Variants in CNTNAP2 observed in about 807,000 individuals in gnomAD.
CNTNAP2 encodes the protein contactin-associated protein-like 2.
Under a neutral mutation model 155.2 loss-of-function variants are expected in CNTNAP2, and 98 were observed. The observed-to-expected ratio is 0.63, with a 90% confidence interval of 0.54 to 0.75. The LOEUF is 0.75. Among genes scored for constraint, CNTNAP2 ranks in the 30% least tolerant of loss-of-function variants. The pLI is 0.00. For synonymous variants in CNTNAP2, 651 were observed against 631.2 expected (o/e 1.03, Z -0.47); for missense variants, 1,727 against 1,688.1 (o/e 1.02, Z -0.40).
intron 8 of CNTNAP2, among the ~76,000 whole-genome samples, chr7:147,189,303 C>A (rs916283559): frequency 1.3e-5 from 2 of 152,140 alleles, no homozygotes; most frequent in Non-Finnish European, 2.9e-5. Flanking sequence ...GTTTTGACTT[C>A]TTTCCACATG....
chr7:146,815,651 TA>T (rs1803151962), intron 2 of CNTNAP2, among the ~76,000 whole-genome samples: 1 of 152,228 alleles, frequency 6.6e-6, no homozygotes, highest in African/African-American at 2.4e-5. Flanking sequence ...GAGTACTTAG[TA>T]AATATTTCAT....
intron 9 of CNTNAP2, among the ~76,000 whole-genome samples, chr7:147,366,756 G>A (rs1331740935): frequency 3.4e-5 from 5 of 148,054 alleles, no homozygotes; most frequent in Non-Finnish European, 1.5e-5. Flanking sequence ...ATGTTTTTAA[G>A]TGATTTTTTA....
chr7:148,187,924 C>A (rs182351702), intron 18 of CNTNAP2, among the ~76,000 whole-genome samples: 23 of 152,118 alleles, frequency 1.5e-4, no homozygotes, highest in African/African-American at 5.5e-4. Flanking sequence ...AAAAAGCTGC[C>A]CTGCCCCAAC....
intron 3 of CNTNAP2, among the ~76,000 whole-genome samples, chr7:146,903,081 T>A (rs1371075041): frequency 2.6e-5 from 4 of 152,178 alleles, no homozygotes; most frequent in Non-Finnish European, 5.9e-5. Flanking sequence ...CAACTTCACG[T>A]TGGGGCAACA....
intron 1 of CNTNAP2, among the ~76,000 whole-genome samples, chr7:146,425,844 A>G (rs1193636776): frequency 3.9e-5 from 6 of 152,066 alleles, no homozygotes; most frequent in Admixed American, 3.9e-4. Context: ...GAAACTACAA[A>G]CAAACAATAA....
intron 18 of CNTNAP2, among the ~76,000 whole-genome samples, chr7:148,215,452 G>A (rs1795619730): frequency 6.6e-6 from 1 of 151,454 alleles, no homozygotes; most frequent in South Asian, 2.1e-4. Flanking sequence ...GAGTCTCTGT[G>A]ATAGTTCTTT....
At chr7:146,119,267 T>C (rs1797529416) in intron 1 of CNTNAP2, among the ~76,000 whole-genome samples, 1 of 152,094 alleles carries the variant, frequency 6.6e-6, no homozygotes, top group African/African-American at 2.4e-5. Flanking sequence ...GCTAAAACTT[T>C]CTGTTCCTAA....
At chr7:146,884,984 G>A (rs1482996976) in intron 3 of CNTNAP2, among the ~76,000 whole-genome samples, 1 of 152,050 alleles carries the variant, frequency 6.6e-6, no homozygotes, top group Non-Finnish European at 1.5e-5. Flanking sequence ...AAGTTCAAGA[G>A]TTTATAATCA....
intron 21 of CNTNAP2, among the ~76,000 whole-genome samples, chr7:148,288,123 A>G (rs1797120539): frequency 8.4e-6 from 1 of 119,314 alleles, no homozygotes; most frequent in Non-Finnish European, 1.7e-5. Context: ...TTTTTTAAAG[A>G]CAGTCTCACA....
intron 8 of CNTNAP2, 115 bp from the exon 9 acceptor site, chr7:147,300,026 G>A (rs1367211186): frequency 8.7e-7 from 1 of 1,150,222 alleles, no homozygotes; most frequent in African/African-American, 1.5e-5. Flanking sequence ...AAGCAGCACT[G>A]TATTTTCCAA....
At position 146,734,691 on chromosome 7, in the gene CNTNAP2, A is replaced by T. The variant is rs577538576; in HGVS notation, c.98-39580A>T. Among the ~76,000 whole-genome samples the T allele has an allele frequency of 2.6e-5, 4 of 152,340 alleles. No individual in the cohort carries two copies. In the East Asian group the frequency reaches 7.7e-4, roughly 29 times the overall value. Reference sequence around the variant, plus strand: ...AAGATATACTAATATTAGATTCTAAATATTTTTAAATATTTGTGATGTTAC... The same window carrying T: ...AAGATATACTAATATTAGATTCTAATTATTTTTAAATATTTGTGATGTTAC... On this transcript the variant is annotated intron_variant, in intron 1 of 23. Transcript: ENST00000361727.
chr7:147,210,109 C>T (rs940847110), intron 8 of CNTNAP2, among the ~76,000 whole-genome samples: 4 of 151,918 alleles, frequency 2.6e-5, no homozygotes, highest in Admixed American at 6.6e-5. Context: ...TAGCTTTGTA[C>T]AGTGAGTTAG....
At chr7:147,366,695 G>A (rs1796234718) in intron 9 of CNTNAP2, among the ~76,000 whole-genome samples, 1 of 151,488 alleles carries the variant, frequency 6.6e-6, no homozygotes, top group Non-Finnish European at 1.5e-5. Flanking sequence ...TTATTGTTTA[G>A]TTATGTTCAG....
At chr7:147,365,298 C>G (rs1469274140) in intron 9 of CNTNAP2, among the ~76,000 whole-genome samples, 1 of 149,008 alleles carries the variant, frequency 6.7e-6, no homozygotes, top group South Asian at 2.1e-4. Context: ...CAGCTCGAAC[C>G]CAGGAGGCGG....
At chr7:147,784,244 G>C (rs974509039) in intron 13 of CNTNAP2, among the ~76,000 whole-genome samples, 6 of 151,276 alleles carry the variant, frequency 4.0e-5, no homozygotes, top group African/African-American at 1.5e-4. Flanking sequence ...AGATATTTGG[G>C]ATTAGAACTT....
intron 8 of CNTNAP2, among the ~76,000 whole-genome samples, chr7:147,189,636 A>G (rs1802637513): frequency 6.6e-6 from 1 of 152,188 alleles, no homozygotes; most frequent in African/African-American, 2.4e-5. Context: ...TTGATATACC[A>G]CAAAAAGTTT....
intron 10 of CNTNAP2, among the ~76,000 whole-genome samples, chr7:147,412,569 C>A (rs1482532299): frequency 2.0e-5 from 3 of 152,152 alleles, no homozygotes; most frequent in African/African-American, 7.2e-5. Flanking sequence ...TGAGCTCATG[C>A]CCCACTGTGT....
intron 8 of CNTNAP2, among the ~76,000 whole-genome samples, chr7:147,244,343 C>G: frequency 6.6e-6 from 1 of 152,088 alleles, no homozygotes; most frequent in East Asian, 1.9e-4. Flanking sequence ...AAGAAAATGA[C>G]GTTTCTTTGC....
At chr7:146,797,375 A>G (rs13233140) in intron 2 of CNTNAP2, among the ~76,000 whole-genome samples, 49,786 of 151,964 alleles carry the variant, frequency 0.33, 8,798 homozygotes, top group African/African-American at 0.45. Flanking sequence ...GGCAGGAGAC[A>G]CCTTGATATC....
Sources: allele counts gnomAD v4.1 joint callset (sites outside exome capture counted in the v4.1 genomes callset), GRCh38; gene constraint gnomAD v4.1.1; transcripts MANE v1.5; gene names NCBI Gene and HGNC (gene_info 2026-07-23, HGNC 2026-07-21).